RSPO3: variants seen among roughly 807,000 people sequenced by gnomAD.
The protein encoded by RSPO3 is R-spondin-3.
RSPO3 carries 17 observed loss-of-function variants against 36.5 expected under a neutral mutation model. The ratio of observed to expected loss-of-function variants is 0.47; its 90% CI spans 0.32 to 0.70. The LOEUF (loss-of-function observed/expected upper bound fraction) is 0.70. RSPO3 is among the 30% of genes least tolerant of loss of function. The probability of loss-of-function intolerance (pLI) is 0.04; values close to 1 mark genes in which losing one functional copy is unlikely to be tolerated. For synonymous variants in RSPO3, 108 were observed against 107.0 expected (o/e 1.01, Z -0.06); for missense variants, 294 against 322.5 (o/e 0.91, Z 0.68).
intron 1 of RSPO3, among the ~76,000 whole-genome samples, chr6:127,128,663 C>G (rs887393026): frequency 6.6e-6 from 1 of 152,014 alleles, no homozygotes; most frequent in Non-Finnish European, 1.5e-5. Flanking sequence ...ATAAAGTATT[C>G]TGATACTGTT....
At chr6:127,162,556 C>G (rs760673000) in intron 4 of RSPO3, among the ~76,000 whole-genome samples, 4 of 152,112 alleles carry the variant, frequency 2.6e-5, no homozygotes, top group Non-Finnish European at 5.9e-5. Context: ...TAAATAAAAT[C>G]TGAGGCCAAG....
intron 3 of RSPO3, among the ~76,000 whole-genome samples, chr6:127,151,460 C>A (rs990540603): frequency 1.3e-5 from 2 of 151,962 alleles, no homozygotes; most frequent in African/African-American, 4.8e-5. Context: ...GCAAGAACTA[C>A]AGGAACCTTT....
chr6:127,126,305 G>A (rs1773938421), intron 1 of RSPO3, among the ~76,000 whole-genome samples: 1 of 152,064 alleles, frequency 6.6e-6, no homozygotes, highest in African/African-American at 2.4e-5. Flanking sequence ...TATCAAAAGT[G>A]TGTGCTCTCC....
At chr6:127,135,926 CAAA>C (rs5879836) in intron 1 of RSPO3, among the ~76,000 whole-genome samples, 64 of 114,988 alleles carry the variant, frequency 5.6e-4, no homozygotes, top group African/African-American at 9.1e-4. Flanking sequence ...GACCCTGCCT[CAAA>C]AAAAAAAAAA....
intron 1 of RSPO3, among the ~76,000 whole-genome samples, chr6:127,138,864 A>G (rs960586096): frequency 6.6e-6 from 1 of 152,234 alleles, no homozygotes; most frequent in Non-Finnish European, 1.5e-5. Context: ...AATATTGGTA[A>G]CTCAGCTAGA....
intron 4 of RSPO3, among the ~76,000 whole-genome samples, chr6:127,172,134 A>ACACCTT (rs1554222014): frequency 1.3e-5 from 2 of 149,498 alleles, no homozygotes; most frequent in African/African-American, 4.9e-5. Flanking sequence ...ATGAAACTCT[A>ACACCTT]TACACTGAAA....
chr6:127,193,603 C>T (rs988160034), intron 4 of RSPO3, among the ~76,000 whole-genome samples: 1 of 152,168 alleles, frequency 6.6e-6, no homozygotes, highest in Non-Finnish European at 1.5e-5. Flanking sequence ...GTAATCCAAC[C>T]TTTGCAGCCA....
intron 4 of RSPO3, among the ~76,000 whole-genome samples, chr6:127,179,047 T>C (rs1287862025): frequency 6.6e-6 from 1 of 151,876 alleles, no homozygotes; most frequent in Non-Finnish European, 1.5e-5. Context: ...TCATTTGTCT[T>C]AAAGTTGATC....
At chr6:127,170,616 T>C (rs1774916972) in intron 4 of RSPO3, among the ~76,000 whole-genome samples, 1 of 151,704 alleles carries the variant, frequency 6.6e-6, no homozygotes. Flanking sequence ...AAAGTTGGGG[T>C]GGCAGCAACT....
intron 4 of RSPO3, among the ~76,000 whole-genome samples, chr6:127,195,073 C>G (rs1775487402): frequency 6.6e-6 from 1 of 152,264 alleles, no homozygotes; most frequent in African/African-American, 2.4e-5. Flanking sequence ...TCTTAGATAG[C>G]AGGCAAATAT....
At chr6:127,127,502 ATAGT>A (rs1418094353) in intron 1 of RSPO3, among the ~76,000 whole-genome samples, 1 of 152,134 alleles carries the variant, frequency 6.6e-6, no homozygotes, top group African/African-American at 2.4e-5. Context: ...TATTATGATA[ATAGT>A]TATTACTCAA....
At chr6:127,177,704 A>G (rs1271764246) in intron 4 of RSPO3, among the ~76,000 whole-genome samples, 1 of 151,804 alleles carries the variant, frequency 6.6e-6, no homozygotes, top group African/African-American at 2.4e-5. Flanking sequence ...ATATTTGTTT[A>G]CTTTATTTTC....
rs189047839 is a variant in RSPO3, at chr6:127,171,999, T to C, written c.634+16561T>C. ...TTAAGACCCAGAGGACCTGAATGTATGTATTGGAATAATGAAAAGAACAAA... is the reference window on the plus strand; with the variant it reads ...TTAAGACCCAGAGGACCTGAATGTACGTATTGGAATAATGAAAAGAACAAA... On this transcript the variant is annotated intron_variant, in intron 4 of 4. Transcript: ENST00000356698. 1.9e-3 allele frequency among the ~76,000 whole-genome samples: 295 copies of C among 151,410 alleles called. 1 individual carries two copies. Among genetic ancestry groups the C allele is most frequent in the African/African-American group, 7.0e-3 (289 of 41,380 alleles).
chr6:127,145,308 G>A lies in RSPO3; in HGVS notation c.98-3340G>A, dbSNP rs35671208. On this transcript the variant is annotated intron_variant, in intron 1 of 4. Coordinates refer to ENST00000356698, the MANE Select transcript of RSPO3 (RefSeq NM_032784.5). Reference sequence around the variant, plus strand: ...CTCACTACATTATATTGCCTCTGCCGTACTTTAAGTTATCATCAGCCTCTT... The same window carrying A: ...CTCACTACATTATATTGCCTCTGCCATACTTTAAGTTATCATCAGCCTCTT... 6.2e-3 allele frequency among the ~76,000 whole-genome samples: 945 copies of A among 152,038 alleles called. 3 individuals carry two copies. Among genetic ancestry groups the A allele is most frequent in the Non-Finnish European group, 0.011 (721 of 67,970 alleles).
At chr6:127,178,691 C>A (rs770332543) in intron 4 of RSPO3, among the ~76,000 whole-genome samples, 3 of 151,618 alleles carry the variant, frequency 2.0e-5, no homozygotes, top group Non-Finnish European at 4.4e-5. Context: ...TATTATACTT[C>A]AAAAATATGA....
intron 3 of RSPO3, 46 bp from the exon 4 acceptor site, chr6:127,155,195 A>G (rs1774568477): frequency 6.3e-7 from 1 of 1,574,954 alleles, no homozygotes; most frequent in African/African-American, 1.4e-5. Context: ...ACAATAGTGA[A>G]AGTGGTTGTA....
intron 4 of RSPO3, among the ~76,000 whole-genome samples, chr6:127,188,205 T>C (rs1775334557): frequency 6.6e-6 from 1 of 152,162 alleles, no homozygotes; most frequent in Non-Finnish European, 1.5e-5. Context: ...TAGTGGATAA[T>C]AAAATTATTT....
intron 1 of RSPO3, among the ~76,000 whole-genome samples, chr6:127,137,046 G>A (rs1582789525): frequency 6.6e-6 from 1 of 152,260 alleles, no homozygotes; most frequent in Admixed American, 6.5e-5. Context: ...TATGGTAGTA[G>A]AACTTTCTGA....
In RSPO3 at chr6:127,197,358, C is replaced by G; in HGVS notation, c.*1351C>G. 3 of 1,536,498 alleles carry G rather than the reference C, an allele frequency of 2.0e-6. No individual in the cohort carries two copies. Among genetic ancestry groups the G allele is most frequent in the Non-Finnish European group, 2.6e-6 (3 of 1,139,390 alleles). ...GAAATGGGCATCATTTCTTGTATGTCAGATCCCCCTGCATCTTCAACATTT... is the reference window on the plus strand; with the variant it reads ...GAAATGGGCATCATTTCTTGTATGTGAGATCCCCCTGCATCTTCAACATTT... On this transcript the variant is annotated 3_prime_UTR_variant, in exon 5 of 5. Transcript: ENST00000356698.
Sources: allele counts gnomAD v4.1 joint callset (sites outside exome capture counted in the v4.1 genomes callset), GRCh38; gene constraint gnomAD v4.1.1; transcripts MANE v1.5; gene names NCBI Gene and HGNC (gene_info 2026-07-23, HGNC 2026-07-21).